Variants in RELL1 observed in about 807,000 individuals in gnomAD.
The protein encoded by RELL1 is RELT like 1.
In RELL1, 10 loss-of-function variants were observed where a neutral mutation model predicts 23.0. That is an observed-to-expected ratio of 0.43 (90% CI 0.27 to 0.74). The LOEUF is 0.74. Ranked by LOEUF, RELL1 falls within the 30% of genes least tolerant of loss-of-function variation. The pLI, the probability that RELL1 is intolerant of heterozygous loss-of-function variation, is 0.19. For synonymous variants in RELL1, 146 were observed against 146.8 expected (o/e 0.99, Z 0.04); for missense variants, 315 against 364.4 (o/e 0.86, Z 1.10).
intron 4 of RELL1, among the ~76,000 whole-genome samples, chr4:37,637,518 G>A (rs185444067): frequency 4.0e-4 from 61 of 152,226 alleles, no homozygotes; most frequent in Admixed American, 2.2e-3. Flanking sequence ...CCTCCTGCAC[G>A]CCTGGTTCAG....
chr4:37,602,221 CAAAAAA>C (rs11410477), intron 6 of RELL1, among the ~76,000 whole-genome samples: 1 of 96,694 alleles, frequency 1.0e-5, no homozygotes, highest in Non-Finnish European at 1.9e-5. Flanking sequence ...TGTCTCAAAC[CAAAAAA>C]AAAAAAAAAA....
At chr4:37,594,405 A>G (rs1718755828) in intron 6 of RELL1, among the ~76,000 whole-genome samples, 1 of 152,208 alleles carries the variant, frequency 6.6e-6, no homozygotes, top group South Asian at 2.1e-4. Flanking sequence ...GAAGGCACTA[A>G]CTGTGATTAG....
intron 6 of RELL1, among the ~76,000 whole-genome samples, chr4:37,604,908 C>CACAG (rs1719143347): frequency 1.4e-4 from 10 of 72,206 alleles, no homozygotes; most frequent in South Asian, 7.3e-4. Flanking sequence ...CAGACACACA[C>CACAG]ACACACACAC....
At chr4:37,656,283 A>G (rs945518924) in intron 1 of RELL1, among the ~76,000 whole-genome samples, 1 of 152,226 alleles carries the variant, frequency 6.6e-6, no homozygotes, top group South Asian at 2.1e-4. Context: ...TTCTGTTTAT[A>G]TATGGTATCT....
intron 1 of RELL1, among the ~76,000 whole-genome samples, chr4:37,653,579 T>C (rs1432733016): frequency 6.6e-6 from 1 of 152,112 alleles, no homozygotes; most frequent in African/African-American, 2.4e-5. Flanking sequence ...ACTTCTAAAT[T>C]GACTGAGACC....
At chr4:37,663,978 T>TA (rs1011021699) in intron 1 of RELL1, among the ~76,000 whole-genome samples, 14 of 151,986 alleles carry the variant, frequency 9.2e-5, no homozygotes, top group African/African-American at 2.2e-4. Context: ...ATCATCTTCA[T>TA]AAAAAAAAGA....
At chr4:37,604,866 G>GACACACACACACAC (rs752355951) in intron 6 of RELL1, among the ~76,000 whole-genome samples, 3 of 56,860 alleles carry the variant, frequency 5.3e-5, no homozygotes, top group Admixed American at 3.2e-4. Flanking sequence ...CACACACACA[G>GACACACACACACAC]ACACACACAC....
intron 6 of RELL1, among the ~76,000 whole-genome samples, chr4:37,596,728 ATATATATATTTTTTTTTTTT>A (rs1461883122): frequency 1.2e-4 from 2 of 16,730 alleles, no homozygotes; most frequent in African/African-American, 3.2e-4. Context: ...ATATATATAT[ATATATATATTTTTTTTTTTT>A]TTTTTTTTTT....
At chr4:37,656,172 T>C (rs1721110325) in intron 1 of RELL1, among the ~76,000 whole-genome samples, 1 of 152,200 alleles carries the variant, frequency 6.6e-6, no homozygotes, top group South Asian at 2.1e-4. Flanking sequence ...TATTCAGCTT[T>C]ATAAAGAAGA....
chr4:37,683,800 G>T (rs1324339657), intron 1 of RELL1, among the ~76,000 whole-genome samples: 1 of 151,216 alleles, frequency 6.6e-6, no homozygotes, highest in Admixed American at 6.6e-5. Context: ...ATAAAAATGC[G>T]GCCGGGCGCG....
rs140846987 is a variant in RELL1 at position 37,596,064 on chromosome 4, C to G, written c.*4-4847G>C. ...CCATGCGTCATGACCTCCAGGTGTT[C>G]AGAGGCCCTGCCCATGTGACACGTG... On this transcript the variant is annotated intron_variant, in intron 6 of 6. Coordinates refer to the RELL1 transcript ENST00000314117. 1.8e-3 allele frequency among the ~76,000 whole-genome samples: 274 copies of G among 152,292 alleles called. 1 individual carries two copies. The highest frequency in any genetic ancestry group is 6.3e-3 in the African/African-American group (261 of 41,558).
At chr4:37,608,296 A>G (rs1366628295), downstream of RELL1, among the ~76,000 whole-genome samples, 2 of 152,250 alleles carry the variant, frequency 1.3e-5, no homozygotes, top group Non-Finnish European at 2.9e-5. Flanking sequence ...AGGCGTGTCA[A>G]AAGCCGAGAC....
At chr4:37,639,533 C>T (rs1234981186) in intron 3 of RELL1, among the ~76,000 whole-genome samples, 1 of 130,606 alleles carries the variant, frequency 7.7e-6, no homozygotes, top group East Asian at 2.0e-4. Context: ...AAAAAAAAAA[C>T]CTAATCTAAG....
intron 3 of RELL1, 110 bp downstream of exon 3, chr4:37,647,258 A>G: frequency 1.5e-6 from 1 of 682,632 alleles, no homozygotes; most frequent in Non-Finnish European, 2.6e-6. Flanking sequence ...GGTGTTAGAA[A>G]GCTTAGGTGA....
chr4:37,603,606 G>A lies in RELL1; in HGVS notation c.*4-12389C>T, dbSNP rs565398854. 4.6e-5 allele frequency among the ~76,000 whole-genome samples: 7 copies of A among 152,318 alleles called. No homozygotes were observed. The East Asian group carries it at 1.2e-3, about 25-fold the overall frequency. On this transcript the variant is annotated intron_variant, in intron 6 of 6. Transcript: ENST00000314117. ...AGTGAGACAGAAGGAAGGGTTCCCC[G>A]CCTTTTGGGGTGGAGGAAGCCTGGA...
chr4:37,651,142 A>G (rs200615053), intron 1 of RELL1, among the ~76,000 whole-genome samples: 1 of 152,202 alleles, frequency 6.6e-6, no homozygotes, highest in East Asian at 1.9e-4. Flanking sequence ...AGTAAGCACT[A>G]TAAATGTGTT....
intron 6 of RELL1, among the ~76,000 whole-genome samples, chr4:37,627,033 C>A (rs914573475): frequency 6.6e-6 from 1 of 152,024 alleles, no homozygotes; most frequent in Non-Finnish European, 1.5e-5. Flanking sequence ...GTTCTCACCA[C>A]GCAAAAAAAT....
chr4:37,619,119 T>C (rs182540254), intron 6 of RELL1, among the ~76,000 whole-genome samples: 52 of 152,228 alleles, frequency 3.4e-4, no homozygotes, highest in Non-Finnish European at 6.0e-4. Flanking sequence ...CCTCAGGTGA[T>C]CTACCTGCCT....
chr4:37,663,521 C>T (rs758010017), intron 1 of RELL1, among the ~76,000 whole-genome samples: 4 of 152,184 alleles, frequency 2.6e-5, no homozygotes, highest in South Asian at 2.1e-4. Flanking sequence ...AATTGTCAAT[C>T]GCAGCATTCA....
Sources: gnomAD v4.1 joint callset for allele counts (sites outside exome capture counted in the v4.1 genomes callset) on GRCh38, gnomAD v4.1.1 for gene constraint, MANE v1.5 for transcripts, NCBI Gene and HGNC (gene_info 2026-07-23, HGNC 2026-07-21) for gene names.